Variants in CPSF6 observed in about 807,000 individuals in gnomAD.
CPSF6 encodes the protein cleavage and polyadenylation specificity factor subunit 6.
Under a neutral mutation model 56.7 loss-of-function variants are expected in CPSF6, and 10 were observed. The observed-to-expected ratio is 0.18, with a 90% CI of 0.11 to 0.30. CPSF6 has a LOEUF of 0.30. CPSF6 is among the 10% of genes least tolerant of loss of function. The pLI, the probability that CPSF6 is intolerant of heterozygous loss-of-function variation, is 1.00. For missense variants in CPSF6, 419 were observed against 722.9 expected, an observed-to-expected ratio of 0.58 and a Z score of 4.82; for synonymous variants, 248 against 244.8, an observed-to-expected ratio of 1.01 and a Z score of -0.12.
intron 1 of CPSF6, among the ~76,000 whole-genome samples, chr12:69,246,832 A>G (rs1011773328): frequency 8.5e-5 from 13 of 152,054 alleles, no homozygotes; most frequent in African/African-American, 2.2e-4. Flanking sequence ...GTATGTATTT[A>G]TGTATTTTTA....
intron 1 of CPSF6, among the ~76,000 whole-genome samples, chr12:69,245,431 G>A (rs900673529): frequency 3.9e-5 from 6 of 152,046 alleles, no homozygotes; most frequent in Admixed American, 1.3e-4. Context: ...TTTATCGTAG[G>A]TATATATAAA....
At chr12:69,261,576 A>ATGAACTGTGATCATGTCCCTGCACTCC (rs1872742300) in intron 8 of CPSF6, among the ~76,000 whole-genome samples, 1 of 152,154 alleles carries the variant, frequency 6.6e-6, no homozygotes, top group African/African-American at 2.4e-5. Flanking sequence ...CTATCTTGAA[A>ATGAACTGTGATCATGTCCCTGCACTCC]AAACAAAGTA....
chr12:69,245,785 G>C (rs1428083643), intron 1 of CPSF6, among the ~76,000 whole-genome samples: 1 of 152,168 alleles, frequency 6.6e-6, no homozygotes, highest in East Asian at 1.9e-4. Flanking sequence ...TGACCACCCA[G>C]CTTTAAAATG....
At chr12:69,240,368 G>T (rs1871549294) in intron 1 of CPSF6, among the ~76,000 whole-genome samples, 1 of 152,178 alleles carries the variant, frequency 6.6e-6, no homozygotes, top group African/African-American at 2.4e-5. Flanking sequence ...GGGCTCATTT[G>T]CAACAAGTCC....
intron 8 of CPSF6, 70 bp downstream of exon 8, chr12:69,260,267 C>CT (rs954430069): frequency 8.3e-7 from 1 of 1,207,614 alleles, no homozygotes; most frequent in East Asian, 2.7e-5. Flanking sequence ...TACTGTGAGA[C>CT]TTTAAAAGGA....
intron 1 of CPSF6, among the ~76,000 whole-genome samples, chr12:69,247,515 T>TGTTTTTTG (rs550271150): frequency 6.6e-6 from 1 of 152,174 alleles, no homozygotes; most frequent in Non-Finnish European, 1.5e-5. Context: ...GATATTTTCT[T>TGTTTTTTG]GTTTTTTGAA....
rs542620474 is a variant in CPSF6, at chr12:69,239,629, G to A, written c.-18G>A. On this transcript the variant is annotated 5_prime_UTR_variant, in exon 1 of 10. Coordinates refer to ENST00000435070, the MANE Select transcript of CPSF6 (RefSeq NM_007007.3). Reference sequence around the variant, plus strand: ...TGCAGGAGGCGGCGGCGGCGGCGGCGGCCGAGGCTGAAGGAAGATGGCGGA... The same window carrying A: ...TGCAGGAGGCGGCGGCGGCGGCGGCAGCCGAGGCTGAAGGAAGATGGCGGA... The A allele has an allele frequency of 9.0e-6, 14 of 1,562,984 alleles. No individual in the cohort carries two copies. The highest frequency in any genetic ancestry group is 1.2e-5 in the South Asian group (1 of 85,284).
At chr12:69,259,641 A>C in intron 7 of CPSF6, 98 bp downstream of exon 7, 1 of 985,852 alleles carries the variant, frequency 1.0e-6, no homozygotes, top group Non-Finnish European at 1.5e-6. Flanking sequence ...TACATGTAGT[A>C]GTTCTTTTTA....
At chr12:69,242,381 A>G (rs1871671307) in intron 1 of CPSF6, among the ~76,000 whole-genome samples, 1 of 152,190 alleles carries the variant, frequency 6.6e-6, no homozygotes, top group African/African-American at 2.4e-5. Context: ...AAGGCACAGT[A>G]TTATTTCAAA....
At chr12:69,267,900 C>T (rs541230650) in intron 9 of CPSF6, among the ~76,000 whole-genome samples, 130 of 151,928 alleles carry the variant, frequency 8.6e-4, no homozygotes, top group Non-Finnish European at 1.7e-3. Flanking sequence ...TAATTCTCCA[C>T]TGGAGTGATA....
At chr12:69,263,325 T>C (rs1275612882) in intron 9 of CPSF6, among the ~76,000 whole-genome samples, 1 of 152,076 alleles carries the variant, frequency 6.6e-6, no homozygotes, top group Non-Finnish European at 1.5e-5. Flanking sequence ...TCATTGTCTT[T>C]TTTTCTGTAT....
At position 69,273,535 on chromosome 12, in the gene CPSF6, G is replaced by A. The variant is rs925008085; in HGVS notation, c.*4027G>A. ...GGAGTATCCTAAAACTCTGCCATGG[G>A]TGTAAATGTTTTACATTAATTTCAT... On this transcript the variant is annotated 3_prime_UTR_variant, in exon 10 of 10. Transcript: ENST00000435070. 2 of 152,654 alleles carry A rather than the reference G, an allele frequency of 1.3e-5. No individual in the cohort carries two copies. The highest frequency in any genetic ancestry group is 4.8e-5 in the African/African-American group (2 of 41,380). 9.5% of individuals were successfully genotyped at this position (152,654 alleles called of 1,614,324 possible). A position where few individuals can be genotyped will look rare whatever the true frequency, so the allele number is the denominator to read the frequency against.
intron 1 of CPSF6, among the ~76,000 whole-genome samples, chr12:69,249,596 A>G (rs755478819): frequency 2.6e-5 from 4 of 152,186 alleles, no homozygotes; most frequent in Non-Finnish European, 5.9e-5. Flanking sequence ...CAGATGTTCT[A>G]TGTCATAAGA....
intron 7 of CPSF6, 22 bp from the exon 8 acceptor site, chr12:69,260,022 A>G (rs112288805): frequency 3.1e-6 from 5 of 1,607,128 alleles, no homozygotes; most frequent in East Asian, 2.2e-5. Context: ...TTTGACTTCA[A>G]ACCCTTTCCT....
At chr12:69,260,791 C>G (rs1318183364) in intron 8 of CPSF6, among the ~76,000 whole-genome samples, 3 of 152,244 alleles carry the variant, frequency 2.0e-5, no homozygotes, top group South Asian at 2.1e-4. Flanking sequence ...TATTTCTTTT[C>G]TTTTAAGAGA....
chr12:69,266,613 A>C (rs1872995463), intron 9 of CPSF6, among the ~76,000 whole-genome samples: 2 of 152,318 alleles, frequency 1.3e-5, no homozygotes, highest in Admixed American at 1.3e-4. Flanking sequence ...ACGTTGTTTA[A>C]AGAAACCTAA....
intron 3 of CPSF6, among the ~76,000 whole-genome samples, chr12:69,253,742 A>C (rs1044574934): frequency 6.6e-6 from 1 of 152,206 alleles, no homozygotes; most frequent in African/African-American, 2.4e-5. Context: ...GATATAAGGA[A>C]TAAAAATAAA....
intron 1 of CPSF6, among the ~76,000 whole-genome samples, chr12:69,244,768 A>G (rs1404620479): frequency 6.6e-6 from 1 of 151,976 alleles, no homozygotes; most frequent in Admixed American, 6.6e-5. Flanking sequence ...GGTCAGGATT[A>G]TCAATATCAC....
intron 3 of CPSF6, among the ~76,000 whole-genome samples, chr12:69,255,786 C>T (rs903021829): frequency 6.6e-6 from 1 of 152,104 alleles, no homozygotes; most frequent in Non-Finnish European, 1.5e-5. Flanking sequence ...ATCCTCCTGC[C>T]TTGGCCTCCC....
Sources: gnomAD v4.1 joint callset for allele counts (sites outside exome capture counted in the v4.1 genomes callset) on GRCh38, gnomAD v4.1.1 for gene constraint, MANE v1.5 for transcripts, NCBI Gene and HGNC (gene_info 2026-07-23, HGNC 2026-07-21) for gene names.